The following DCPS variants were observed in gnomAD, a reference collection of about 807,000 sequenced individuals.
DCPS encodes the protein decapping enzyme, scavenger.
Under a neutral mutation model 34.7 loss-of-function variants are expected in DCPS, and 27 were observed. The ratio of observed to expected loss-of-function variants is 0.78; its 90% CI spans 0.57 to 1.07. The LOEUF (loss-of-function observed/expected upper bound fraction) is 1.07. Ranked by LOEUF, DCPS falls within the 50% of genes least tolerant of loss-of-function variation. DCPS has a pLI of 0.00. For synonymous variants in DCPS, 185 were observed against 185.7 expected, an observed-to-expected ratio of 1.00 and a Z score of 0.03; for missense variants, 464 against 436.9, an observed-to-expected ratio of 1.06 and a Z score of -0.55.
chr11:126,321,114 G>A (rs1237846383), intron 2 of DCPS, among the ~76,000 whole-genome samples: 1 of 152,036 alleles, frequency 6.6e-6, no homozygotes, highest in Admixed American at 6.6e-5. Context: ...AATTAGCCAG[G>A]CATGGTGGTG....
chr11:126,317,453 T>A (rs1050755205), intron 2 of DCPS, among the ~76,000 whole-genome samples: 1 of 152,170 alleles, frequency 6.6e-6, no homozygotes, highest in Non-Finnish European at 1.5e-5. Flanking sequence ...GGCACACTAA[T>A]TAGAATTATT....
At position 126,346,341 on chromosome 11, in the gene DCPS, A is replaced by C. The variant is rs1245679717; in HGVS notation, c.*728A>C. ...CTCACATGAAGCAGCCAGAAGATCA[A>C]GTGCAAAACAGTGAATCAGCAAGGG... is the stretch of plus-strand genomic sequence containing the variant. On this transcript the variant is annotated 3_prime_UTR_variant, in exon 6 of 6. Transcript: ENST00000263579. This position sits in a 1 kb window ranked among gnomAD's most constrained non-coding sequence, Gnocchi z 4.1. Among the ~76,000 whole-genome samples the C allele has an allele frequency of 6.6e-6, 1 of 152,250 alleles. No individual in the cohort carries two copies. The highest frequency in any genetic ancestry group is 1.5e-5 in the Non-Finnish European group (1 of 68,048).
rs1951955078 is a variant in DCPS at position 126,348,218 on chromosome 11, T to C, written c.*2605T>C. ...GGCATGGAGACAGGGACCCACACTC[T>C]GGAAGGTTTCTCGACTCCCCCGAGG... On this transcript the variant is annotated 3_prime_UTR_variant, in exon 6 of 6. Transcript: ENST00000263579. This position sits in a 1 kb window ranked among gnomAD's most constrained non-coding sequence, Gnocchi z 5.3. 6.6e-6 allele frequency among the ~76,000 whole-genome samples: 1 copy of C among 152,156 alleles called. No homozygotes were observed. Among genetic ancestry groups the C allele is most frequent in the Non-Finnish European group, 1.5e-5 (1 of 68,030 alleles).
rs1465400461 is a variant in DCPS, at chr11:126,349,428, T to C, written c.*3815T>C. On this transcript the variant is annotated 3_prime_UTR_variant, in exon 6 of 6. Coordinates refer to ENST00000263579, the MANE Select transcript of DCPS (RefSeq NM_014026.6). The surrounding 1 kb of genome is among the most constrained non-coding windows in gnomAD (Gnocchi z 5.4). The stretch of plus-strand genomic sequence containing the variant: ...CTTGGTTGGAGAAGGAAAGAAGCAG[T>C]TGGAGGCATGACTGCTATTGTTCCT... Among the ~76,000 whole-genome samples, 4 of 152,196 alleles carry C rather than the reference T, an allele frequency of 2.6e-5. No homozygotes were observed. Among genetic ancestry groups the C allele is most frequent in the Non-Finnish European group, 1.5e-5 (1 of 68,030 alleles).
In DCPS at chr11:126,338,566, A is replaced by G. The variant is rs1951853339; in HGVS notation, c.636+167A>G. Among the ~76,000 whole-genome samples, 2 of 152,196 alleles carry G rather than the reference A, an allele frequency of 1.3e-5. No homozygotes were observed. The highest frequency in any genetic ancestry group is 4.1e-4 in the South Asian group (2 of 4,830). ...GGGACTGGGTGGATACCTGTCATAC[A>G]TAAGTGCTTTTGCTTTAATGGGTCA... On this transcript the variant is annotated intron_variant, in intron 4 of 5. Transcript: ENST00000263579. The surrounding 1 kb of genome is among the most constrained non-coding windows in gnomAD (Gnocchi z 5.4).
At chr11:126,330,832 G>T (rs1228948919) in intron 2 of DCPS, among the ~76,000 whole-genome samples, 2 of 141,932 alleles carry the variant, frequency 1.4e-5, no homozygotes, top group Non-Finnish European at 3.0e-5. Flanking sequence ...TGCCTCCCAG[G>T]TTCAAGTGGT....
chr11:126,338,353 C>T lies in DCPS; in HGVS notation c.590C>T (p.Ser197Phe), dbSNP rs1249448527. The T allele has an allele frequency of 6.2e-7, 1 of 1,614,194 alleles. No individual in the cohort carries two copies. Among genetic ancestry groups the T allele is most frequent in the East Asian group, 2.2e-5 (1 of 44,882 alleles). The change falls in exon 4 of 6, where the codon TCT (serine) becomes TTT (phenylalanine). Residue 197 changes from serine (S) to phenylalanine (F), a missense_variant. By Grantham distance (155) the Ser-to-Phe change is radical. Transcript: ENST00000263579. This position sits in a 1 kb window ranked among gnomAD's most constrained non-coding sequence, Gnocchi z 5.4. ...ATTGTTTTCGAGAACCCAGATCCCT[C>T]TGATGGTTTTGTCCTCATCCCTGAC... ...DRIVFENPDP[S>F]DGFVLIPDLK... is the part of the protein sequence containing the mutation.
rs1321601959 is a variant in DCPS, at chr11:126,348,455, C to T, written c.*2842C>T. Among the ~76,000 whole-genome samples, 9 of 152,266 alleles carry T rather than the reference C, an allele frequency of 5.9e-5. No individual in the cohort carries two copies. The South Asian group carries it at 8.3e-4, about 14-fold the overall frequency. On this transcript the variant is annotated 3_prime_UTR_variant, in exon 6 of 6. Coordinates refer to ENST00000263579, the MANE Select transcript of DCPS (RefSeq NM_014026.6). This position sits in a 1 kb window ranked among gnomAD's most constrained non-coding sequence, Gnocchi z 5.3. Reference sequence around the variant, plus strand: ...GGTTCCCCTTCAGAGCCAGCCAGTGCTCTGCTGCTGTAATCTCCAGGGACC... The same window carrying T: ...GGTTCCCCTTCAGAGCCAGCCAGTGTTCTGCTGCTGTAATCTCCAGGGACC...
At chr11:126,330,262 C>T (rs187622143) in intron 2 of DCPS, among the ~76,000 whole-genome samples, 167 of 152,210 alleles carry the variant, frequency 1.1e-3, no homozygotes, top group Non-Finnish European at 1.8e-3. Context: ...ACTAACATCC[C>T]AACAGAGGCC....
intron 2 of DCPS, among the ~76,000 whole-genome samples, chr11:126,314,805 A>G (rs1396395086): frequency 6.6e-6 from 1 of 152,142 alleles, no homozygotes; most frequent in African/African-American, 2.4e-5. Context: ...ATGAAAAGGC[A>G]TAAGAATGAT....
In DCPS at chr11:126,349,514, T is replaced by C. The variant is rs1951971010; in HGVS notation, c.*3901T>C. ...GAGCAAAATTGCTGAGTGGTCTCTA[T>C]TTACCAACATGAAACAGAAAAATAC... On this transcript the variant is annotated 3_prime_UTR_variant, in exon 6 of 6. Coordinates refer to ENST00000263579, the MANE Select transcript of DCPS (RefSeq NM_014026.6). This position sits in a 1 kb window ranked among gnomAD's most constrained non-coding sequence, Gnocchi z 5.4. Among the ~76,000 whole-genome samples, 1 of 152,220 alleles carries C rather than the reference T, an allele frequency of 6.6e-6. No homozygotes were observed. Among genetic ancestry groups the C allele is most frequent in the African/African-American group, 2.4e-5 (1 of 41,456 alleles).
In DCPS at chr11:126,314,714, A is replaced by T. The variant is rs559750219; in HGVS notation, c.376+7970A>T. Among the ~76,000 whole-genome samples the T allele has an allele frequency of 7.2e-5, 11 of 152,282 alleles. 1 individual carries two copies. The South Asian group carries it at 2.1e-3, about 29-fold the overall frequency. The stretch of plus-strand genomic sequence containing the variant: ...AGCAACCTGGATGGAATTGGAGACT[A>T]TTATTCTAAGTGAAATAACTCAGTA... On this transcript the variant is annotated intron_variant, in intron 2 of 5. Transcript: ENST00000263579.
intron 1 of DCPS, among the ~76,000 whole-genome samples, chr11:126,306,348 G>A (rs1037147425): frequency 6.6e-6 from 1 of 151,876 alleles, no homozygotes; most frequent in Non-Finnish European, 1.5e-5. Context: ...ACTCCAATCC[G>A]GGCAACAGAG....
rs755244125 is a variant in DCPS, at chr11:126,304,122, A to G, written c.42A>G (p.Glu14=). 46 of 1,613,780 alleles carry G rather than the reference A, an allele frequency of 2.9e-5. No homozygotes were observed. The highest frequency in any genetic ancestry group is 3.7e-5 in the Non-Finnish European group (44 of 1,179,924). The change falls in exon 1 of 6, where the codon GAA becomes GAG. Residue 14 remains glutamate, a synonymous_variant. Coordinates refer to ENST00000263579, the MANE Select transcript of DCPS (RefSeq NM_014026.6). ...AAPQLGKRKR[E]LDVEEAHAAS... ...CTCAACTAGGCAAGAGGAAGCGCGA[A>G]TTGGACGTGGAGGAGGCCCACGCCG...
chr11:126,305,413 CTT>C lies in DCPS; in HGVS notation c.202-1134_202-1133del, dbSNP rs1165260410. The stretch of plus-strand genomic sequence containing the variant: ...TACAGGCGTGAGCCACCGCACCCGC[CTT>C]TTTTTTTTTTTTTTTTTTTTTTGAG... On this transcript the variant is annotated intron_variant, in intron 1 of 5. Transcript: ENST00000263579. 4.1e-3 allele frequency among the ~76,000 whole-genome samples: 280 copies of C among 68,310 alleles called. 1 individual carries two copies. Among genetic ancestry groups the C allele is most frequent in the East Asian group, 0.017 (45 of 2,616 alleles). The allele number at this position is 68,310 out of a possible 152,430, so 44.8% of individuals were successfully genotyped here.
chr11:126,327,370 A>C lies in DCPS; in HGVS notation c.377-4035A>C, dbSNP rs1951749139. Among the ~76,000 whole-genome samples the C allele has an allele frequency of 6.6e-6, 1 of 152,236 alleles. No homozygotes were observed. The highest frequency in any genetic ancestry group is 6.5e-5 in the Admixed American group (1 of 15,282). ...CCAGAATTCCACATGATCAGGAGGC[A>C]CATGATGTCGGCGTGCCCAGCAGGG... On this transcript the variant is annotated intron_variant, in intron 2 of 5. Coordinates refer to ENST00000263579, the MANE Select transcript of DCPS (RefSeq NM_014026.6). This position sits in a 1 kb window ranked among gnomAD's most constrained non-coding sequence, Gnocchi z 4.1.
Position 126,347,837 on chromosome 11 carries a change from C to G in DCPS, c.*2224C>G, listed in dbSNP as rs530062957. On this transcript the variant is annotated 3_prime_UTR_variant, in exon 6 of 6. Coordinates refer to ENST00000263579, the MANE Select transcript of DCPS (RefSeq NM_014026.6). This position sits in a 1 kb window ranked among gnomAD's most constrained non-coding sequence, Gnocchi z 4.2. ...GGGAAAGAAGTGACCCGCTTCCCCT[C>G]TGAAAGCAGATGTGGTCCCAACAAG... Among the ~76,000 whole-genome samples the G allele has an allele frequency of 2.0e-5, 3 of 152,206 alleles. No homozygotes were observed. The highest frequency in any genetic ancestry group is 7.2e-5 in the African/African-American group (3 of 41,456).
At chr11:126,340,236 TG>T (rs1951865945) in intron 4 of DCPS, among the ~76,000 whole-genome samples, 1 of 152,236 alleles carries the variant, frequency 6.6e-6, no homozygotes, top group African/African-American at 2.4e-5. Context: ...TGGAATTACT[TG>T]TCCTCAAGGG....
rs998323442 is a variant in DCPS at position 126,334,747 on chromosome 11, T to C, written c.522+3197T>C. 2.6e-5 allele frequency among the ~76,000 whole-genome samples: 4 copies of C among 152,196 alleles called. No homozygotes were observed. Among genetic ancestry groups the C allele is most frequent in the African/African-American group, 9.7e-5 (4 of 41,446 alleles). ...CCCTAAGCCAGAGATACTATTTGGC[T>C]CCTTAGATGTGAGGTACTTATAACT... On this transcript the variant is annotated intron_variant, in intron 3 of 5. Transcript: ENST00000263579. The surrounding 1 kb of genome is among the most constrained non-coding windows in gnomAD (Gnocchi z 5.5).
Sources: allele counts gnomAD v4.1 joint callset (sites outside exome capture counted in the v4.1 genomes callset), GRCh38; gene constraint gnomAD v4.1.1; non-coding constraint Gnocchi (gnomAD v3.1); transcripts MANE v1.5; gene names NCBI Gene and HGNC (gene_info 2026-07-23, HGNC 2026-07-21).